Variants in AVEN observed in about 807,000 individuals in gnomAD.
AVEN encodes the protein apoptosis and caspase activation inhibitor, also known as cell death regulator Aven.
A neutral mutation model predicts 38.1 loss-of-function variants in AVEN; 41 were observed. That is an observed-to-expected ratio of 1.08 (90% CI 0.84 to 1.40). The LOEUF is 1.40. Among genes scored for constraint, AVEN ranks in the 40% most tolerant of loss-of-function variants. AVEN has a pLI of 0.00. For synonymous variants in AVEN, 206 were observed against 171.8 expected, an observed-to-expected ratio of 1.20 and a Z score of -1.56; for missense variants, 605 against 438.8, an observed-to-expected ratio of 1.38 and a Z score of -3.38.
At chr15:33,854,957 C>T (rs200709969), downstream of AVEN, 3 of 1,533,846 alleles carry the variant, frequency 2.0e-6, no homozygotes, top group Non-Finnish European at 2.6e-6. Flanking sequence ...TGTATATGCA[C>T]AGGAAAAAAA....
chr15:34,065,794 G>A (rs1278826157), intron 4 of AVEN: 1 of 152,214 alleles, frequency 6.6e-6, no homozygotes, highest in Non-Finnish European at 1.5e-5. Context: ...ACACAGCAAG[G>A]ATTTTAAAGA....
intron 2 of AVEN, among the ~76,000 whole-genome samples, chr15:33,934,210 C>CA (rs34165431): frequency 0.029 from 4,157 of 141,554 alleles, 97 homozygotes; most frequent in African/African-American, 0.076. Flanking sequence ...CCCATCTCTA[C>CA]AAAAAAAAAA....
chr15:34,071,524 C>T (rs1227929261), intron 1 of AVEN, among the ~76,000 whole-genome samples: 1 of 152,156 alleles, frequency 6.6e-6, no homozygotes, highest in African/African-American at 2.4e-5. Flanking sequence ...GATCCTCCTA[C>T]CTCAGCCTCC....
chr15:33,852,967 C>G, the AVEN span: 5 of 1,282,096 alleles, frequency 3.9e-6, no homozygotes, highest in Non-Finnish European at 5.5e-6. Context: ...GATCCAGGCA[C>G]TCAAACTGAA....
In AVEN at chr15:33,992,384, C is replaced by A. The variant is rs567448377; in HGVS notation, c.445+10648G>T. Reference sequence around the variant, plus strand: ...CAGCCTGCGCGACAGATCAGGACTCCGTCTCAAAAAAAAAGAAAAAAGAAA... The same window carrying A: ...CAGCCTGCGCGACAGATCAGGACTCAGTCTCAAAAAAAAAGAAAAAAGAAA... On this transcript the variant is annotated intron_variant, in intron 2 of 5. Transcript: ENST00000306730. 8.0e-4 allele frequency among the ~76,000 whole-genome samples: 119 copies of A among 148,666 alleles called. 1 individual carries two copies. Among genetic ancestry groups the A allele is most frequent in the African/African-American group, 2.7e-3 (108 of 40,208 alleles).
chr15:33,905,330 C>G (rs1460698833), intron 2 of AVEN, among the ~76,000 whole-genome samples: 1 of 152,082 alleles, frequency 6.6e-6, no homozygotes, highest in Non-Finnish European at 1.5e-5. Context: ...AGCTTCAATT[C>G]TCTCATTGGA....
intron 3 of AVEN, among the ~76,000 whole-genome samples, chr15:33,873,028 T>C (rs1026808248): frequency 6.6e-6 from 1 of 151,510 alleles, no homozygotes; most frequent in Non-Finnish European, 1.5e-5. Context: ...ATTTTGGACA[T>C]GTCTCCCTAT....
intron 2 of AVEN, among the ~76,000 whole-genome samples, chr15:33,955,184 A>G (rs955608024): frequency 2.6e-5 from 4 of 152,176 alleles, no homozygotes; most frequent in Non-Finnish European, 5.9e-5. Flanking sequence ...AAAGTATTCT[A>G]TTAGGTGTAC....
At chr15:34,020,969 G>C (rs1229611880) in intron 1 of AVEN, among the ~76,000 whole-genome samples, 1 of 152,184 alleles carries the variant, frequency 6.6e-6, no homozygotes, top group Non-Finnish European at 1.5e-5. Context: ...GGTGAGGAAT[G>C]AATCACTGGG....
chr15:33,928,181 T>G (rs1893702752), intron 2 of AVEN, among the ~76,000 whole-genome samples: 2 of 152,140 alleles, frequency 1.3e-5, no homozygotes, highest in South Asian at 4.1e-4. Flanking sequence ...ATACTACTAT[T>G]AAAGAATGTT....
the AVEN span, chr15:33,851,933 C>T: frequency 6.6e-6 from 1 of 151,924 alleles, no homozygotes; most frequent in Non-Finnish European, 1.5e-5. Flanking sequence ...GCAGTTTACT[C>T]TGTAACACCA....
intron 2 of AVEN, among the ~76,000 whole-genome samples, chr15:33,926,647 C>CA (rs1207924916): frequency 6.6e-6 from 1 of 151,998 alleles, no homozygotes; most frequent in African/African-American, 2.4e-5. Flanking sequence ...CCTGTCTCTA[C>CA]AAAAAAACTT....
chr15:33,878,521 G>A (rs773905695), intron 2 of AVEN, among the ~76,000 whole-genome samples: 31 of 152,190 alleles, frequency 2.0e-4, no homozygotes, highest in Admixed American at 5.2e-4. Context: ...ATATTTAAGT[G>A]TTCAGAAAAA....
intron 2 of AVEN, among the ~76,000 whole-genome samples, chr15:33,933,524 C>CACACACACACACACACACACACAG (rs1893945145): frequency 6.4e-5 from 3 of 46,648 alleles, no homozygotes; most frequent in African/African-American, 2.1e-4. Flanking sequence ...CACACACACA[C>CACACACACACACACACACACACAG]AGAGAGAGAG....
At chr15:34,005,951 T>A (rs904455029) in intron 1 of AVEN, among the ~76,000 whole-genome samples, 3 of 152,160 alleles carry the variant, frequency 2.0e-5, no homozygotes, top group Non-Finnish European at 4.4e-5. Context: ...AACCAAAAGA[T>A]GCTGGCAGAT....
At chr15:33,887,212 T>C (rs1008229198) in intron 2 of AVEN, among the ~76,000 whole-genome samples, 1 of 152,034 alleles carries the variant, frequency 6.6e-6, no homozygotes, top group Non-Finnish European at 1.5e-5. Flanking sequence ...AGGAAGCAAA[T>C]ACTCTCTGTG....
chr15:33,991,209 C>T (rs1211544479), intron 2 of AVEN: 1 of 151,994 alleles, frequency 6.6e-6, no homozygotes, highest in African/African-American at 2.4e-5. Context: ...GTATTAAATC[C>T]AATAAAAAGT....
At chr15:33,864,019 T>TAAGTCACTGTAGATAGCGTGGGACCA, downstream of AVEN, 2 of 659,934 alleles carry the variant, frequency 3.0e-6, no homozygotes, top group South Asian at 3.9e-5. Flanking sequence ...CCTGATCATT[T>TAAGTCACTGTAGATAGCGTGGGACCA]AAGTCACTGT....
At chr15:33,943,688 G>A (rs941001058) in intron 2 of AVEN, among the ~76,000 whole-genome samples, 1 of 152,076 alleles carries the variant, frequency 6.6e-6, no homozygotes, top group South Asian at 2.1e-4. Flanking sequence ...AGCTAGGTGT[G>A]GTGGCGCACG....
Sources: allele counts gnomAD v4.1 joint callset (sites outside exome capture counted in the v4.1 genomes callset), GRCh38; gene constraint gnomAD v4.1.1; transcripts MANE v1.5; gene names NCBI Gene and HGNC (gene_info 2026-07-23, HGNC 2026-07-21).